The following CUL3 variants were observed in gnomAD, a reference collection of about 807,000 sequenced individuals.
CUL3 encodes the protein cullin 3.
A neutral mutation model predicts 89.1 loss-of-function variants in CUL3; 19 were observed. The observed-to-expected ratio is 0.21, with a 90% confidence interval of 0.15 to 0.31. The LOEUF (loss-of-function observed/expected upper bound fraction) is 0.31, where lower values mean the gene tolerates loss of function less well. CUL3 is among the 10% of genes least tolerant of loss of function. The probability of loss-of-function intolerance (pLI) is 1.00; values close to 1 mark genes in which losing one functional copy is unlikely to be tolerated. For missense variants in CUL3, 469 were observed against 942.3 expected (o/e 0.50, Z 6.58); for synonymous variants, 351 against 308.4 (o/e 1.14, Z -1.45).
chr2:224,527,421 C>T (rs1693521145), intron 3 of CUL3, among the ~76,000 whole-genome samples: 3 of 152,154 alleles, frequency 2.0e-5, no homozygotes, highest in African/African-American at 7.2e-5. Flanking sequence ...AAAAGGCACA[C>T]AAATTCTCCA....
chr2:224,573,014 A>T (rs1293670903), intron 1 of CUL3, among the ~76,000 whole-genome samples: 7 of 152,224 alleles, frequency 4.6e-5, no homozygotes, highest in Non-Finnish European at 1.0e-4. Context: ...TCAAAAATTA[A>T]AATACTAACA....
chr2:224,550,104 T>TC (rs1694458575), intron 2 of CUL3, among the ~76,000 whole-genome samples: 1 of 152,184 alleles, frequency 6.6e-6, no homozygotes, highest in Admixed American at 6.5e-5. Context: ...TTCATTTACT[T>TC]CCAGGGCTTT....
Position 224,549,839 on chromosome 2 carries a change from C to T in CUL3, c.264+7820G>A, listed in dbSNP as rs892367169. Among the ~76,000 whole-genome samples the T allele has an allele frequency of 3.3e-5, 5 of 152,006 alleles. No homozygotes were observed. The East Asian group carries it at 9.6e-4, about 29-fold the overall frequency. On this transcript the variant is annotated intron_variant, in intron 2 of 15. Transcript: ENST00000264414. ...TTTAAAACCGTGCTTTAGTATCTGACTTACATATACACATATATGCGTGCA... is the reference window on the plus strand; with the variant it reads ...TTTAAAACCGTGCTTTAGTATCTGATTTACATATACACATATATGCGTGCA...
chr2:224,492,779 C>G (rs1692033364), intron 13 of CUL3, among the ~76,000 whole-genome samples: 1 of 152,138 alleles, frequency 6.6e-6, no homozygotes, highest in African/African-American at 2.4e-5. Flanking sequence ...TTGTGTGGTC[C>G]TCTCACTATC....
At chr2:224,564,236 T>C (rs886411367) in intron 1 of CUL3, among the ~76,000 whole-genome samples, 2 of 152,180 alleles carry the variant, frequency 1.3e-5, no homozygotes, top group Non-Finnish European at 2.9e-5. Flanking sequence ...TGAGCTGACA[T>C]TGTGGCACTG....
intron 13 of CUL3, chr2:224,495,083 A>G (rs995037743): frequency 2.6e-5 from 4 of 152,072 alleles, no homozygotes; most frequent in Non-Finnish European, 5.9e-5. Context: ...CAAACAAGAT[A>G]TATCAGTGGC....
At position 224,514,896 on chromosome 2, in the gene CUL3, C is replaced by A. The variant is rs979224577; in HGVS notation, c.379-124G>T. 4.3e-5 allele frequency: 29 copies of A among 668,798 alleles called. 1 individual carries two copies. The highest frequency in any genetic ancestry group is 1.4e-4 in the African/African-American group (8 of 55,344). The allele number at this position is 668,798 out of a possible 1,614,324, so 41.4% of individuals were successfully genotyped here. ...ATCATTTTTCAGGTGAGAAACACTT[C>A]AAATGATCTTAAGCAATGTGCAACT... On this transcript the variant is annotated intron_variant, in intron 3 of 15. Transcript: ENST00000264414.
In CUL3 at chr2:224,503,695, CTTTTA is replaced by C. The variant is rs767431999; in HGVS notation, c.1329_1333del (p.Asn443LysfsTer4). On this transcript the variant is annotated frameshift_variant, in exon 9 of 16. Transcript: ENST00000264414. LOFTEE classifies it high-confidence loss of function. ...GTTTTTTTCAGAGTCATCAGAAACA[CTTTTA>C]TTTGTGAGAAGTCTCCTTGCCAAGT... is the stretch of plus-strand genomic sequence containing the variant. 6.2e-7 allele frequency: 1 copy of C among 1,601,642 alleles called. No homozygotes were observed.
chr2:224,567,381 C>A (rs1695067485), intron 1 of CUL3, among the ~76,000 whole-genome samples: 1 of 152,100 alleles, frequency 6.6e-6, no homozygotes, highest in African/African-American at 2.4e-5. Flanking sequence ...CCATGCGTGG[C>A]TAATATTTTT....
chr2:224,528,841 T>A (rs957842709), intron 3 of CUL3, among the ~76,000 whole-genome samples: 18 of 152,094 alleles, frequency 1.2e-4, no homozygotes, highest in African/African-American at 4.3e-4. Flanking sequence ...ACACCTTTGC[T>A]GCAAATACCT....
intron 1 of CUL3, among the ~76,000 whole-genome samples, chr2:224,558,523 C>A (rs1006299355): frequency 6.6e-6 from 1 of 152,120 alleles, no homozygotes; most frequent in Non-Finnish European, 1.5e-5. Flanking sequence ...GCCAATAAAA[C>A]CTGCTAGGTT....
intron 1 of CUL3, among the ~76,000 whole-genome samples, chr2:224,558,478 C>T (rs146364113): frequency 4.6e-5 from 7 of 152,190 alleles, no homozygotes; most frequent in Non-Finnish European, 8.8e-5. Context: ...ATACAAATTC[C>T]CATCATATTC....
chr2:224,579,167 T>C (rs951038807), intron 1 of CUL3, among the ~76,000 whole-genome samples: 1 of 152,216 alleles, frequency 6.6e-6, no homozygotes, highest in Non-Finnish European at 1.5e-5. Context: ...CTTTTATTTT[T>C]CTAACTTCTA....
rs1393967749 is a variant in CUL3 at position 224,485,214 on chromosome 2, G to C, written c.1843-3136C>G. ...GGCTGTTTGGGCAGATACCAACTTA[G>C]CTGTAGGAGTTTTTTTTCATATCCC... On this transcript the variant is annotated intron_variant, in intron 13 of 15. Transcript: ENST00000264414. The surrounding 1 kb of genome is among the most constrained non-coding windows in gnomAD (Gnocchi z 4.1). 1.3e-5 allele frequency: 2 copies of C among 152,334 alleles called. No homozygotes were observed. Among genetic ancestry groups the C allele is most frequent in the African/African-American group, 2.4e-5 (1 of 41,450 alleles). The allele number at this position is 152,334 out of a possible 1,614,324, so 9.4% of individuals were successfully genotyped here.
Position 224,580,998 on chromosome 2 carries a change from G to C in CUL3, c.66+3946C>G, listed in dbSNP as rs552874542. Among the ~76,000 whole-genome samples, 3 of 152,006 alleles carry C rather than the reference G, an allele frequency of 2.0e-5. No individual in the cohort carries two copies. The South Asian group carries it at 6.2e-4, about 32-fold the overall frequency. On this transcript the variant is annotated intron_variant, in intron 1 of 15. Transcript: ENST00000264414. ...AGTTTTAAGATGAATACATTGTGGAGATCAAATGTGCAGCACAGTTAAGAA... is the reference window on the plus strand; with the variant it reads ...AGTTTTAAGATGAATACATTGTGGACATCAAATGTGCAGCACAGTTAAGAA...
At chr2:224,557,919 G>C (rs1236042061) in intron 1 of CUL3, 63 bp from the exon 2 acceptor site, 2 of 941,790 alleles carry the variant, frequency 2.1e-6, no homozygotes, top group African/African-American at 1.8e-5. Flanking sequence ...ATGGTTGAAA[G>C]TCTTTCTATA....
intron 13 of CUL3, among the ~76,000 whole-genome samples, chr2:224,488,943 C>T (rs1691847309): frequency 6.6e-6 from 1 of 152,186 alleles, no homozygotes; most frequent in African/African-American, 2.4e-5. Flanking sequence ...CCCTGGGATG[C>T]AAGGCTGGTT....
intron 1 of CUL3, among the ~76,000 whole-genome samples, chr2:224,578,780 G>A (rs1695368951): frequency 6.6e-6 from 1 of 151,880 alleles, no homozygotes; most frequent in Admixed American, 6.6e-5. Flanking sequence ...AAACCTAACA[G>A]GACTACTAAA....
intron 1 of CUL3, among the ~76,000 whole-genome samples, chr2:224,574,548 G>T (rs1695256585): frequency 6.6e-6 from 1 of 152,110 alleles, no homozygotes. Context: ...TATACAAATG[G>T]TAACACAGGA....
Sources: allele counts gnomAD v4.1 joint callset (sites outside exome capture counted in the v4.1 genomes callset), GRCh38; gene constraint gnomAD v4.1.1; non-coding constraint Gnocchi (gnomAD v3.1); transcripts MANE v1.5; gene names NCBI Gene and HGNC (gene_info 2026-07-23, HGNC 2026-07-21).